The following CCAR1 variants were observed in gnomAD, a reference collection of about 807,000 sequenced individuals.
CCAR1 encodes the protein cell division cycle and apoptosis regulator 1.
In CCAR1, 78 loss-of-function variants were observed where a neutral mutation model predicts 163.8. The observed-to-expected ratio is 0.48, with a 90% CI of 0.40 to 0.57. The LOEUF is 0.57. Among genes scored for constraint, CCAR1 ranks in the 20% least tolerant of loss-of-function variants. CCAR1 has a pLI of 0.00. For missense variants in CCAR1, 1,019 were observed against 1,365.2 expected (o/e 0.75, Z 4.00); for synonymous variants, 443 against 460.7 (o/e 0.96, Z 0.49).
chr10:68,730,504 A>AT lies in CCAR1; in HGVS notation c.74-6367dup, dbSNP rs540403519. 1.7e-3 allele frequency among the ~76,000 whole-genome samples: 255 copies of AT among 151,304 alleles called. 2 individuals carry two copies. In the Middle Eastern group the frequency reaches 0.027, roughly 16 times the overall value. On this transcript the variant is annotated intron_variant, in intron 2 of 24. Transcript: ENST00000265872. ...AGGCGCGTGCCACCATGCCCCACTA[A>AT]TTTTTGTATTTTTAGTAGAGACAGG...
chr10:68,755,376 G>T lies in CCAR1; in HGVS notation c.1465G>T (p.Val489Leu). The change falls in exon 13 of 25, where the codon GTG (valine) becomes TTG (leucine). Residue 489 changes from valine to leucine, a missense_variant. Transcript: ENST00000265872. ...ATTCTTTGTTTTGAATTAGTTTTTA[G>T]TGGGCATGAAAGGCAAGGATGAAGC... The part of the protein sequence containing the change: ...QHPARLVKFL[V>L]GMKGKDEAMA... 1 of 1,610,212 alleles carries T rather than the reference G, an allele frequency of 6.2e-7. No individual in the cohort carries two copies. The highest frequency in any genetic ancestry group is 8.5e-7 in the Non-Finnish European group (1 of 1,178,076).
At chr10:68,766,979 G>A (rs2056544136) in intron 17 of CCAR1, among the ~76,000 whole-genome samples, 1 of 152,072 alleles carries the variant, frequency 6.6e-6, no homozygotes, top group Admixed American at 6.6e-5. Context: ...GTGTTCCTCT[G>A]TCCTCTGTAT....
At chr10:68,789,567 T>C in intron 23 of CCAR1, 143 bp from the exon 24 acceptor site, 1 of 603,552 alleles carries the variant, frequency 1.7e-6, no homozygotes. Context: ...TGCAGTGTGC[T>C]TTATGACTAA....
At chr10:68,740,535 A>G (rs2056168884) in intron 4 of CCAR1, 94 bp from the exon 5 acceptor site, 2 of 1,024,608 alleles carry the variant, frequency 2.0e-6, no homozygotes, top group Middle Eastern at 2.1e-4. Flanking sequence ...AATAAGTAGA[A>G]TAACTTTTAT....
At chr10:68,784,326 C>T (rs145844293) in intron 19 of CCAR1, among the ~76,000 whole-genome samples, 1 of 151,798 alleles carries the variant, frequency 6.6e-6, no homozygotes, top group Non-Finnish European at 1.5e-5. Flanking sequence ...CACAATTCTC[C>T]AGCCTCAGCC....
chr10:68,722,826 G>A (rs2055878629), intron 2 of CCAR1, among the ~76,000 whole-genome samples: 1 of 152,002 alleles, frequency 6.6e-6, no homozygotes, highest in Non-Finnish European at 1.5e-5. Context: ...GGAGGCTGAG[G>A]CAGGAGAATC....
chr10:68,788,685 A>G (rs554588397), intron 23 of CCAR1, among the ~76,000 whole-genome samples: 1 of 152,062 alleles, frequency 6.6e-6, no homozygotes, highest in South Asian at 2.1e-4. Context: ...GGGTTTCACC[A>G]TGTTGGCCAG....
chr10:68,740,883 T>TTTTTTTTA (rs1554819357), intron 5 of CCAR1, among the ~76,000 whole-genome samples: 21 of 144,820 alleles, frequency 1.5e-4, no homozygotes, highest in Admixed American at 3.5e-4. Context: ...TGAGGTTTTA[T>TTTTTTTTA]TTTATTTATT....
chr10:68,746,313 A>G (rs1458472183), intron 6 of CCAR1, among the ~76,000 whole-genome samples: 49 of 134,294 alleles, frequency 3.6e-4, no homozygotes, highest in South Asian at 9.9e-4. Context: ...GTCTCACTCT[A>G]TCGCCCAGGC....
intron 12 of CCAR1, 64 bp downstream of exon 12, chr10:68,754,891 C>T (rs908553160): frequency 2.3e-6 from 2 of 874,618 alleles, no homozygotes; most frequent in African/African-American, 1.7e-5. Flanking sequence ...ACTTTGTACA[C>T]ATAAAATCTA....
intron 17 of CCAR1, among the ~76,000 whole-genome samples, chr10:68,770,555 C>G (rs1199109207): frequency 1.3e-5 from 2 of 151,952 alleles, no homozygotes; most frequent in Non-Finnish European, 2.9e-5. Flanking sequence ...CCAGCCTGGC[C>G]AACATGATGA....
chr10:68,767,654 C>T (rs979348056), intron 17 of CCAR1, among the ~76,000 whole-genome samples: 4 of 152,190 alleles, frequency 2.6e-5, no homozygotes, highest in Admixed American at 2.6e-4. Flanking sequence ...GAGCAGTTCC[C>T]CTCCCTCAGC....
chr10:68,782,968 G>A (rs955847053), intron 19 of CCAR1, among the ~76,000 whole-genome samples: 24 of 150,368 alleles, frequency 1.6e-4, no homozygotes, highest in Non-Finnish European at 2.5e-4. Context: ...CTATTCTGCA[G>A]CCCTTGGATC....
At position 68,756,217 on chromosome 10, in the gene CCAR1, G is replaced by T; in HGVS notation, c.1626-56G>T. On this transcript the variant is annotated intron_variant, in intron 13 of 24. Transcript: ENST00000265872. This position sits in a 1 kb window ranked among gnomAD's most constrained non-coding sequence, Gnocchi z 5.1. Reference sequence around the variant, plus strand: ...CTTGATGTGCTACAAGTGAACTAGGGTCTTTAAAATGTATTTTAGAATTTT... The same window carrying T: ...CTTGATGTGCTACAAGTGAACTAGGTTCTTTAAAATGTATTTTAGAATTTT... The T allele has an allele frequency of 7.1e-7, 1 of 1,405,794 alleles. No individual in the cohort carries two copies. Among genetic ancestry groups the T allele is most frequent in the Non-Finnish European group, 1.0e-6 (1 of 1,000,820 alleles). 87.1% of individuals were successfully genotyped at this position (1,405,794 alleles called of 1,614,324 possible). A position where few individuals can be genotyped will look rare whatever the true frequency, so the allele number is the denominator to read the frequency against.
At chr10:68,765,094 T>C (rs777172770) in intron 16 of CCAR1, among the ~76,000 whole-genome samples, 1 of 152,230 alleles carries the variant, frequency 6.6e-6, no homozygotes, top group Non-Finnish European at 1.5e-5. Context: ...ACATGTTGGC[T>C]TGCTTTCTGA....
intron 3 of CCAR1, 81 bp from the exon 4 acceptor site, chr10:68,737,764 T>C (rs2056130846): frequency 1.3e-6 from 1 of 747,464 alleles, no homozygotes; most frequent in South Asian, 1.7e-5. Flanking sequence ...ATTGTATGTA[T>C]TTCTATGTAT....
At chr10:68,735,125 A>G (rs1285837298) in intron 2 of CCAR1, among the ~76,000 whole-genome samples, 4 of 152,098 alleles carry the variant, frequency 2.6e-5, no homozygotes, top group Non-Finnish European at 2.9e-5. Context: ...AAGCAGGTGG[A>G]TTGCTTGAGC....
intron 24 of CCAR1, 113 bp from the exon 25 acceptor site, chr10:68,791,094 T>C (rs1419280035): frequency 1.9e-6 from 1 of 530,164 alleles, no homozygotes; most frequent in African/African-American, 2.0e-5. Flanking sequence ...AATTTATTGT[T>C]CTTTATCACT....
chr10:68,727,740 G>T (rs2055969572), intron 2 of CCAR1, among the ~76,000 whole-genome samples: 1 of 152,174 alleles, frequency 6.6e-6, no homozygotes, highest in African/African-American at 2.4e-5. Context: ...AAGAGACGTT[G>T]AGAGAAATGG....
Sources: allele counts gnomAD v4.1 joint callset (sites outside exome capture counted in the v4.1 genomes callset), GRCh38; gene constraint gnomAD v4.1.1; non-coding constraint Gnocchi (gnomAD v3.1); transcripts MANE v1.5; gene names NCBI Gene and HGNC (gene_info 2026-07-23, HGNC 2026-07-21).